MICAL3: variants seen among roughly 807,000 people sequenced by gnomAD.
MICAL3 encodes the protein [F-actin]-monooxygenase MICAL3.
MICAL3 carries 62 observed loss-of-function variants against 207.4 expected under a neutral mutation model. That is an observed-to-expected ratio of 0.30 (90% CI 0.24 to 0.37). The LOEUF is 0.37. MICAL3 is among the 10% of genes least tolerant of loss of function. The pLI, the probability that MICAL3 is intolerant of heterozygous loss-of-function variation, is 1.00. For missense variants in MICAL3, 2,368 were observed against 2,635.6 expected (o/e 0.90, Z 2.22); for synonymous variants, 1,077 against 1,069.3 (o/e 1.01, Z -0.14).
chr22:17,922,151 G>T (rs1569133898), intron 1 of MICAL3, among the ~76,000 whole-genome samples: 2 of 149,108 alleles, frequency 1.3e-5, no homozygotes, highest in Non-Finnish European at 3.0e-5. Context: ...CTCCCACCTG[G>T]GTGCGTGCCT....
chr22:17,969,919 C>T (rs923728956), intron 1 of MICAL3, among the ~76,000 whole-genome samples: 1 of 152,162 alleles, frequency 6.6e-6, no homozygotes, highest in African/African-American at 2.4e-5. Flanking sequence ...AGTGTGAGGG[C>T]CTCATGAGGT....
chr22:17,980,775 G>A (rs1014947169), intron 1 of MICAL3: 4 of 462,634 alleles, frequency 8.6e-6, no homozygotes, highest in East Asian at 5.8e-5. Context: ...TTATCATTCC[G>A]CGGCAGCAAA....
intron 1 of MICAL3, among the ~76,000 whole-genome samples, chr22:17,989,839 A>G (rs1921462016): frequency 6.6e-6 from 1 of 152,210 alleles, no homozygotes; most frequent in African/African-American, 2.4e-5. Context: ...TGCTTGGCAT[A>G]TAATAGATTT....
intron 19 of MICAL3, among the ~76,000 whole-genome samples, chr22:17,859,621 T>A (rs750551652): frequency 2.0e-5 from 3 of 152,238 alleles, no homozygotes; most frequent in African/African-American, 7.2e-5. Flanking sequence ...GAGAGAGAAA[T>A]CAGCTCAGGA....
At chr22:17,811,078 C>T (rs2062043437) in intron 27 of MICAL3, 1 of 422,408 alleles carries the variant, frequency 2.4e-6, no homozygotes, top group Admixed American at 3.6e-5. Flanking sequence ...TGAGACATTT[C>T]CCCACCTCTG....
At chr22:17,795,233 C>T (rs546746125) in intron 29 of MICAL3, among the ~76,000 whole-genome samples, 93 of 152,354 alleles carry the variant, frequency 6.1e-4, no homozygotes, top group African/African-American at 2.2e-3. Context: ...GATTTCTTTC[C>T]TCAACAATAC....
chr22:17,877,644 G>A (rs1314519792), intron 16 of MICAL3, among the ~76,000 whole-genome samples: 4 of 151,932 alleles, frequency 2.6e-5, no homozygotes, highest in African/African-American at 9.7e-5. Context: ...CTTAAGTAGT[G>A]TCCTCAAAAG....
At chr22:17,997,739 C>T (rs181590978) in intron 1 of MICAL3, among the ~76,000 whole-genome samples, 126 of 152,284 alleles carry the variant, frequency 8.3e-4, no homozygotes, top group African/African-American at 2.9e-3. Flanking sequence ...CTCACAAAAC[C>T]TTGTCATCCG....
At chr22:17,819,487 G>A (rs974139585) in intron 25 of MICAL3, among the ~76,000 whole-genome samples, 6 of 152,138 alleles carry the variant, frequency 3.9e-5, no homozygotes, top group South Asian at 2.1e-4. Context: ...GATCCCTGAC[G>A]TACGTACAGA....
chr22:17,951,627 C>A (rs1327138958), intron 1 of MICAL3, among the ~76,000 whole-genome samples: 1 of 151,976 alleles, frequency 6.6e-6, no homozygotes, highest in East Asian at 1.9e-4. Context: ...ATCAAACAGT[C>A]TTCCATTATG....
At chr22:17,860,619 AG>A in intron 19 of MICAL3, 1 of 985,470 alleles carries the variant, frequency 1.0e-6, no homozygotes, top group Non-Finnish European at 1.2e-6. Context: ...AAAAGATAGG[AG>A]TGGGCTCAAA....
At chr22:17,884,214 G>A in intron 16 of MICAL3, 7 of 1,209,418 alleles carry the variant, frequency 5.8e-6, no homozygotes, top group Non-Finnish European at 8.2e-6. Context: ...GGCTGGCTCA[G>A]GAGGAGGGGT....
At chr22:17,931,273 AATGT>A (rs1933250700) in intron 1 of MICAL3, among the ~76,000 whole-genome samples, 2 of 152,248 alleles carry the variant, frequency 1.3e-5, no homozygotes, top group Admixed American at 6.5e-5. Context: ...CACTTTATAA[AATGT>A]ATGTTATACC....
At chr22:17,859,107 G>C (rs927076125) in intron 19 of MICAL3, among the ~76,000 whole-genome samples, 1 of 152,166 alleles carries the variant, frequency 6.6e-6, no homozygotes, top group Non-Finnish European at 1.5e-5. Context: ...ACACCGCCCA[G>C]ACTCTCAGAA....
Position 17,817,332 on chromosome 22 carries a change from C to T in MICAL3, c.5329G>A (p.Val1777Met), listed in dbSNP as rs200437633. Residue 1777 changes from valine to methionine, a missense_variant, in exon 26 of 32, where the codon GTG becomes ATG. This residue lies in a region of MICAL3 where 1,770 missense variants were observed against 1,863.2 expected (regional missense o/e 0.95). Coordinates refer to ENST00000441493, the MANE Select transcript of MICAL3 (RefSeq NM_015241.3). The part of the protein sequence containing the change: ...GATVDSGKHR[V>M]LPVVRAELQL... Reference sequence around the variant, plus strand: ...GCACCTGCCCTTACGACGGGAAGCACCCTGTGCTTTCCAGAGTCCACCGTG... The same window carrying T: ...GCACCTGCCCTTACGACGGGAAGCATCCTGTGCTTTCCAGAGTCCACCGTG... 263 of 1,605,362 alleles carry T rather than the reference C, an allele frequency of 1.6e-4. No homozygotes were observed. Among genetic ancestry groups the T allele is most frequent in the Non-Finnish European group, 2.1e-4 (249 of 1,176,498 alleles).
intron 1 of MICAL3, among the ~76,000 whole-genome samples, chr22:17,966,293 C>T (rs1223273220): frequency 1.3e-5 from 2 of 152,108 alleles, no homozygotes; most frequent in East Asian, 3.9e-4. Context: ...ACATTCCACT[C>T]CCTCGGGCCT....
At position 17,899,356 on chromosome 22, in the gene MICAL3, C is replaced by T. The variant is rs1320477519; in HGVS notation, c.948+92G>A. 4 of 856,044 alleles carry T rather than the reference C, an allele frequency of 4.7e-6. No homozygotes were observed. The South Asian group carries it at 5.7e-5, about 12-fold the overall frequency. The allele number at this position is 856,044 out of a possible 1,614,324, so 53.0% of individuals were successfully genotyped here. On this transcript the variant is annotated intron_variant, in intron 7 of 31. Transcript: ENST00000441493. ...GATGCATTCAGTGCTCATTTTCATT[C>T]CCTTGCAGGAAAAACCCATCAGACA...
At chr22:17,848,925 C>G (rs563005537) in intron 19 of MICAL3, among the ~76,000 whole-genome samples, 35 of 152,336 alleles carry the variant, frequency 2.3e-4, no homozygotes, top group African/African-American at 8.2e-4. Context: ...TGTTCTCATT[C>G]CAGGAGGGCA....
In MICAL3 at chr22:17,798,908, T is replaced by C. The variant is rs573008111; in HGVS notation, c.5651-7607A>G. On this transcript the variant is annotated intron_variant, in intron 29 of 31. Transcript: ENST00000441493. ...CAGGATGGTCTCGATCTCCTGACCT[T>C]GTGATCTGCCCGCCTCGGCCTCCCA... 7.2e-5 allele frequency among the ~76,000 whole-genome samples: 11 copies of C among 151,980 alleles called. No homozygotes were observed. The East Asian group carries it at 7.9e-4, about 11-fold the overall frequency.
Sources: allele counts gnomAD v4.1 joint callset (sites outside exome capture counted in the v4.1 genomes callset), GRCh38; gene constraint gnomAD v4.1.1; regional missense constraint gnomAD v4.1.1; transcripts MANE v1.5; gene names NCBI Gene and HGNC (gene_info 2026-07-23, HGNC 2026-07-21).